ASAP1: variants seen among roughly 807,000 people sequenced by gnomAD.
The protein encoded by ASAP1 is arf-GAP with SH3 domain, ANK repeat and PH domain-containing protein 1.
ASAP1 carries 43 observed loss-of-function variants against 145.2 expected under a neutral mutation model. The ratio of observed to expected loss-of-function variants is 0.30; its 90% confidence interval spans 0.23 to 0.38. The LOEUF (loss-of-function observed/expected upper bound fraction) is 0.38. ASAP1 is among the 10% of genes least tolerant of loss of function. The pLI is 1.00. For missense variants in ASAP1, 1,018 were observed against 1,355.3 expected (o/e 0.75, Z 3.91); for synonymous variants, 546 against 515.5 (o/e 1.06, Z -0.80).
chr8:130,257,336 A>T (rs1819624945), intron 3 of ASAP1, among the ~76,000 whole-genome samples: 1 of 152,198 alleles, frequency 6.6e-6, no homozygotes, highest in African/African-American at 2.4e-5. Context: ...TCCAATGACA[A>T]GGTCCACTAA....
chr8:130,310,275 T>G (rs2137532073), intron 3 of ASAP1, among the ~76,000 whole-genome samples: 1 of 152,252 alleles, frequency 6.6e-6, no homozygotes, highest in African/African-American at 2.4e-5. Flanking sequence ...AACAGAATTA[T>G]GAAGTAGAAA....
chr8:130,094,156 G>C (rs1384042817), intron 24 of ASAP1, among the ~76,000 whole-genome samples: 1 of 152,110 alleles, frequency 6.6e-6, no homozygotes, highest in Admixed American at 6.6e-5. Context: ...ATGCTTTGTA[G>C]TTTTCAAAAT....
At chr8:130,220,180 T>C (rs1817206087) in intron 4 of ASAP1, among the ~76,000 whole-genome samples, 1 of 152,158 alleles carries the variant, frequency 6.6e-6, no homozygotes. Context: ...TTTTAAAAAC[T>C]AGACCAGAAA....
chr8:130,172,125 A>G (rs1813632608), intron 9 of ASAP1, among the ~76,000 whole-genome samples: 1 of 152,198 alleles, frequency 6.6e-6, no homozygotes, highest in Non-Finnish European at 1.5e-5. Flanking sequence ...TACAGATAGG[A>G]CATGTGAAAC....
intron 3 of ASAP1, among the ~76,000 whole-genome samples, chr8:130,248,933 GCTTT>G (rs780164999): frequency 7.2e-5 from 11 of 152,060 alleles, no homozygotes; most frequent in Non-Finnish European, 1.6e-4. Context: ...CTTTTTTGTT[GCTTT>G]CTATTTTTTA....
chr8:130,086,243 G>GC (rs1592766312), intron 25 of ASAP1, among the ~76,000 whole-genome samples: 2 of 152,310 alleles, frequency 1.3e-5, no homozygotes. Flanking sequence ...GTGAATCCTG[G>GC]CCCCCACGTA....
At chr8:130,412,070 G>A (rs72726204) in intron 1 of ASAP1, among the ~76,000 whole-genome samples, 5,233 of 152,264 alleles carry the variant, frequency 0.034, 127 homozygotes, top group Middle Eastern at 0.075. Flanking sequence ...TTTCAATCAC[G>A]CTGAGTCTTC....
intron 25 of ASAP1, chr8:130,084,045 G>C (rs929174031): frequency 1.3e-5 from 2 of 152,234 alleles, no homozygotes; most frequent in African/African-American, 2.4e-5. Context: ...CACCTGCCTC[G>C]GTCTCTCAAA....
intron 5 of ASAP1, among the ~76,000 whole-genome samples, chr8:130,211,453 A>G (rs1434676149): frequency 4.6e-5 from 7 of 152,224 alleles, no homozygotes; most frequent in Non-Finnish European, 8.8e-5. Flanking sequence ...AAGCATCTCA[A>G]TGATGGTTGA....
intron 1 of ASAP1, among the ~76,000 whole-genome samples, chr8:130,421,864 G>T (rs1300413337): frequency 6.6e-6 from 1 of 152,238 alleles, no homozygotes. Flanking sequence ...ATTACAGAAG[G>T]TTTCATTAAT....
intron 3 of ASAP1, among the ~76,000 whole-genome samples, chr8:130,324,382 T>C (rs977969103): frequency 6.6e-6 from 1 of 152,104 alleles, no homozygotes; most frequent in Non-Finnish European, 1.5e-5. Flanking sequence ...CAGGTAGGGA[T>C]GAAAAGGTTG....
chr8:130,142,701 A>G (rs917887948), intron 13 of ASAP1, among the ~76,000 whole-genome samples: 3 of 152,216 alleles, frequency 2.0e-5, no homozygotes, highest in African/African-American at 7.2e-5. Context: ...GGGAAGTGTG[A>G]TAAGCAGGTC....
intron 5 of ASAP1, among the ~76,000 whole-genome samples, chr8:130,196,473 C>T (rs560938873): frequency 6.6e-6 from 1 of 152,338 alleles, no homozygotes. Flanking sequence ...CTCACCCCAA[C>T]AAGCCACCCT....
At chr8:130,217,103 C>T (rs894044176) in intron 4 of ASAP1, among the ~76,000 whole-genome samples, 19 of 152,304 alleles carry the variant, frequency 1.2e-4, no homozygotes, top group South Asian at 2.1e-4. Context: ...ATATGGCATG[C>T]ACCATCCAAG....
chr8:130,157,039 A>G (rs1241465198), intron 12 of ASAP1, among the ~76,000 whole-genome samples: 1 of 152,236 alleles, frequency 6.6e-6, no homozygotes, highest in African/African-American at 2.4e-5. Context: ...TCATAATGGA[A>G]CACAATATTA....
rs895950656 is a variant in ASAP1 at position 130,100,338 on chromosome 8, C to CT, written c.2402-8196dup. Among the ~76,000 whole-genome samples, 8 of 149,982 alleles carry CT rather than the reference C, an allele frequency of 5.3e-5. No individual in the cohort carries two copies. The East Asian group carries it at 5.8e-4, about 11-fold the overall frequency. ...GTTTTCTTTCTTTCTTTCTTTCTTTCTTTTTTTTGAGACGGAGTTTCACTC... is the reference window on the plus strand; with the variant it reads ...GTTTTCTTTCTTTCTTTCTTTCTTTCTTTTTTTTTGAGACGGAGTTTCACTC... On this transcript the variant is annotated intron_variant, in intron 24 of 29. Coordinates refer to ENST00000518721, the MANE Select transcript of ASAP1 (RefSeq NM_018482.4).
At chr8:130,329,888 G>C (rs1824570663) in intron 3 of ASAP1, among the ~76,000 whole-genome samples, 1 of 152,210 alleles carries the variant, frequency 6.6e-6, no homozygotes, top group African/African-American at 2.4e-5. Context: ...GAGCAACACA[G>C]TCTTATTTAC....
At chr8:130,222,633 A>G (rs1322375089) in intron 4 of ASAP1, among the ~76,000 whole-genome samples, 1 of 152,218 alleles carries the variant, frequency 6.6e-6, no homozygotes, top group Non-Finnish European at 1.5e-5. Context: ...TACCAGGAAC[A>G]AAAAGGTGAA....
At chr8:130,266,690 T>C (rs1369072964) in intron 3 of ASAP1, among the ~76,000 whole-genome samples, 1 of 152,022 alleles carries the variant, frequency 6.6e-6, no homozygotes. Flanking sequence ...CCCCAATAAT[T>C]TGATTTAATA....
Sources: allele counts gnomAD v4.1 joint callset (sites outside exome capture counted in the v4.1 genomes callset), GRCh38; gene constraint gnomAD v4.1.1; transcripts MANE v1.5; gene names NCBI Gene and HGNC (gene_info 2026-07-23, HGNC 2026-07-21).